BRAF: variants seen among roughly 807,000 people sequenced by gnomAD.
The protein encoded by BRAF is serine/threonine-protein kinase B-raf.
Under a neutral mutation model 104.6 loss-of-function variants are expected in BRAF, and 16 were observed. That is an observed-to-expected ratio of 0.15 (90% confidence interval 0.10 to 0.23). BRAF has a LOEUF of 0.23. Ranked by LOEUF, BRAF falls within the 10% of genes least tolerant of loss-of-function variation. BRAF has a pLI of 1.00. For missense variants in BRAF, 541 were observed against 937.3 expected, an observed-to-expected ratio of 0.58 and a Z score of 5.52; for synonymous variants, 310 against 341.6, an observed-to-expected ratio of 0.91 and a Z score of 1.02.
intron 1 of BRAF, among the ~76,000 whole-genome samples, chr7:140,892,779 C>T (rs1449606146): frequency 6.6e-6 from 1 of 151,960 alleles, no homozygotes; most frequent in African/African-American, 2.4e-5. Context: ...TCTTTACTTC[C>T]CCACCCCTAA....
intron 1 of BRAF, among the ~76,000 whole-genome samples, chr7:140,858,051 C>T (rs1487200026): frequency 6.6e-6 from 1 of 151,928 alleles, no homozygotes; most frequent in African/African-American, 2.4e-5. Context: ...AAAAGAATGC[C>T]AGCTAATATA....
At chr7:140,916,190 T>C (rs187943246) in intron 1 of BRAF, among the ~76,000 whole-genome samples, 10 of 152,310 alleles carry the variant, frequency 6.6e-5, no homozygotes, top group African/African-American at 2.4e-4. Flanking sequence ...TTTAAATTAT[T>C]AAATGAAAAT....
chr7:140,865,421 A>G (rs1373317784), intron 1 of BRAF, among the ~76,000 whole-genome samples: 2 of 152,186 alleles, frequency 1.3e-5, no homozygotes, highest in Non-Finnish European at 2.9e-5. Context: ...AAGCAGCTGC[A>G]CTGCCAGACA....
intron 3 of BRAF, among the ~76,000 whole-genome samples, chr7:140,812,672 A>T (rs1562971882): frequency 6.6e-6 from 1 of 152,172 alleles, no homozygotes; most frequent in African/African-American, 2.4e-5. Flanking sequence ...TTCTTTCATG[A>T]TAGTACCTGT....
intron 3 of BRAF, among the ~76,000 whole-genome samples, chr7:140,832,053 G>A (rs1362019416): frequency 6.6e-6 from 1 of 151,934 alleles, no homozygotes; most frequent in Non-Finnish European, 1.5e-5. Context: ...CCATCTTCCA[G>A]GAATTCTTAA....
intron 1 of BRAF, among the ~76,000 whole-genome samples, chr7:140,886,958 G>A (rs1161297849): frequency 7.9e-5 from 12 of 152,148 alleles, no homozygotes; most frequent in Admixed American, 7.9e-4. Context: ...AAGCCAGAGA[G>A]GTACTGGAGG....
chr7:140,773,043 T>C (rs1799999760), intron 14 of BRAF, among the ~76,000 whole-genome samples: 1 of 152,222 alleles, frequency 6.6e-6, no homozygotes, highest in Non-Finnish European at 1.5e-5. Flanking sequence ...AAAACCTCTG[T>C]TCCTGTTTAG....
Position 140,835,095 on chromosome 7 carries a change from T to C in BRAF, c.241-223A>G, listed in dbSNP as rs568856018. 61 of 577,812 alleles carry C rather than the reference T, an allele frequency of 1.1e-4. 1 individual carries two copies. The Middle Eastern group carries it at 1.9e-3, about 18-fold the overall frequency. The allele number at this position is 577,812 out of a possible 1,614,324, so 35.8% of individuals were successfully genotyped here. A position where few individuals can be genotyped will look rare whatever the true frequency, so the allele number is the denominator to read the frequency against. Reference sequence around the variant, plus strand: ...CTACACTATATTACACCTGATAAATTTGACCTATACATATGTGATATCTAG... The same window carrying C: ...CTACACTATATTACACCTGATAAATCTGACCTATACATATGTGATATCTAG... On this transcript the variant is annotated intron_variant, in intron 2 of 19. Coordinates refer to ENST00000644969, the MANE Select transcript of BRAF (RefSeq NM_001374258.1).
intron 8 of BRAF, among the ~76,000 whole-genome samples, chr7:140,792,025 G>A (rs1232712051): frequency 2.6e-5 from 4 of 152,288 alleles, no homozygotes; most frequent in South Asian, 2.1e-4. Context: ...TTATGAGGAT[G>A]AAATAAGAAA....
chr7:140,736,511 T>C (rs978192244), intron 18 of BRAF, among the ~76,000 whole-genome samples: 1 of 150,500 alleles, frequency 6.6e-6, no homozygotes, highest in Non-Finnish European at 1.5e-5. Flanking sequence ...CACCGCAACC[T>C]CCGCCTCCTG....
At chr7:140,765,077 C>T (rs1183508808) in intron 14 of BRAF, among the ~76,000 whole-genome samples, 13 of 152,244 alleles carry the variant, frequency 8.5e-5, no homozygotes, top group South Asian at 6.2e-4. Flanking sequence ...ACCAAAACAG[C>T]ATGGTACTGG....
At chr7:140,853,391 A>G (rs754467252) in intron 1 of BRAF, among the ~76,000 whole-genome samples, 2 of 152,100 alleles carry the variant, frequency 1.3e-5, no homozygotes, top group Non-Finnish European at 2.9e-5. Context: ...CTATAACTGC[A>G]GATCACATGT....
At chr7:140,846,698 T>TA (rs925719398) in intron 2 of BRAF, among the ~76,000 whole-genome samples, 60 of 142,340 alleles carry the variant, frequency 4.2e-4, no homozygotes, top group Admixed American at 9.8e-4. Context: ...TTTACCCCAA[T>TA]AAAAAAAAAA....
At chr7:140,874,073 A>T (rs964894484) in intron 1 of BRAF, among the ~76,000 whole-genome samples, 1 of 152,228 alleles carries the variant, frequency 6.6e-6, no homozygotes, top group African/African-American at 2.4e-5. Context: ...ATTTAGTCCA[A>T]CTATAAAACT....
At chr7:140,874,560 A>G (rs1386164425) in intron 1 of BRAF, among the ~76,000 whole-genome samples, 1 of 151,680 alleles carries the variant, frequency 6.6e-6, no homozygotes, top group Non-Finnish European at 1.5e-5. Context: ...AAGGCAAAGA[A>G]ATAACATTCA....
intron 1 of BRAF, among the ~76,000 whole-genome samples, chr7:140,902,934 T>G (rs1341800958): frequency 7.9e-5 from 12 of 150,950 alleles, no homozygotes; most frequent in Non-Finnish European, 1.5e-4. Context: ...TTTTTTTTTT[T>G]TTTTTTTGAG....
At position 140,725,008 on chromosome 7, in the gene BRAF, G is replaced by T; in HGVS notation, c.*1486C>A. 5 of 1,046,676 alleles carry T rather than the reference G, an allele frequency of 4.8e-6. No individual in the cohort carries two copies. The highest frequency in any genetic ancestry group is 5.8e-6 in the Non-Finnish European group (5 of 867,526). The allele number at this position is 1,046,676 out of a possible 1,614,324, so 64.8% of individuals were successfully genotyped here. On this transcript the variant is annotated 3_prime_UTR_variant, in exon 20 of 20. Coordinates refer to ENST00000644969, the MANE Select transcript of BRAF (RefSeq NM_001374258.1). ...GCCAGTTCTTTCTATAAAAACAACT[G>T]ATGACAGCTTTCCCACACCCTCCCT...
Position 140,721,549 on chromosome 7 carries a change from C to A in BRAF, c.*4945G>T. 1 of 1,454,822 alleles carries A rather than the reference C, an allele frequency of 6.9e-7. No homozygotes were observed. The highest frequency in any genetic ancestry group is 1.4e-5 in the South Asian group (1 of 70,170). The allele number at this position is 1,454,822 out of a possible 1,614,324, so 90.1% of individuals were successfully genotyped here. A position where few individuals can be genotyped will look rare whatever the true frequency, so the allele number is the denominator to read the frequency against. The stretch of plus-strand genomic sequence containing the variant: ...ATCTTACCAGTATTTTTAATTTTAC[C>A]AGAGCTAGCAACATGGACCACAGAT... On this transcript the variant is annotated 3_prime_UTR_variant, in exon 20 of 20. Transcript: ENST00000644969.
intron 1 of BRAF, among the ~76,000 whole-genome samples, chr7:140,898,608 A>G (rs1247129593): frequency 6.6e-6 from 1 of 152,226 alleles, no homozygotes; most frequent in Non-Finnish European, 1.5e-5. Flanking sequence ...GTTCCATTAA[A>G]GCATAACTGT....
Sources: gnomAD v4.1 joint callset for allele counts (sites outside exome capture counted in the v4.1 genomes callset) on GRCh38, gnomAD v4.1.1 for gene constraint, MANE v1.5 for transcripts, NCBI Gene and HGNC (gene_info 2026-07-23, HGNC 2026-07-21) for gene names.